Variants in TSGA10 observed in about 807,000 individuals in gnomAD.
The protein encoded by TSGA10 is testis-specific gene 10 protein.
TSGA10 carries 43 observed loss-of-function variants against 96.6 expected under a neutral mutation model. That is an observed-to-expected ratio of 0.44 (90% CI 0.35 to 0.57). TSGA10 has a LOEUF of 0.57. Ranked by LOEUF, TSGA10 falls within the 20% of genes least tolerant of loss-of-function variation. The probability of loss-of-function intolerance (pLI) is 0.01; values close to 1 mark genes in which losing one functional copy is unlikely to be tolerated. For synonymous variants in TSGA10, 229 were observed against 269.9 expected (o/e 0.85, Z 1.48); for missense variants, 703 against 834.4 (o/e 0.84, Z 1.94).
At chr2:99,136,908 T>C (rs2093351066) in intron 1 of TSGA10, among the ~76,000 whole-genome samples, 1 of 150,016 alleles carries the variant, frequency 6.7e-6, no homozygotes. Context: ...AAAAGAACTA[T>C]GAACATATCC....
intron 10 of TSGA10, among the ~76,000 whole-genome samples, chr2:99,098,438 C>CAAAAAAAAAAAAAAAAAAAAAA (rs59144676): frequency 9.7e-5 from 9 of 92,594 alleles, no homozygotes; most frequent in South Asian, 2.9e-4. Context: ...GACTCTGCCT[C>CAAAAAAAAAAAAAAAAAAAAAA]AAAAAAAAAA....
At chr2:99,146,403 C>T (rs1285905755) in intron 1 of TSGA10, among the ~76,000 whole-genome samples, 2 of 152,170 alleles carry the variant, frequency 1.3e-5, no homozygotes, top group African/African-American at 4.8e-5. Flanking sequence ...GCTTTGGACA[C>T]AGAAAATATC....
chr2:99,074,004 T>TC (rs2086318759), intron 12 of TSGA10, among the ~76,000 whole-genome samples: 3 of 100,126 alleles, frequency 3.0e-5, no homozygotes, highest in African/African-American at 5.4e-5. Context: ...TCTTTTCTTT[T>TC]TTTTTTTTTT....
intron 2 of TSGA10, among the ~76,000 whole-genome samples, chr2:99,122,704 T>C (rs1480840485): frequency 1.3e-5 from 2 of 151,296 alleles, no homozygotes; most frequent in Non-Finnish European, 2.9e-5. Flanking sequence ...GGTAGGAGGA[T>C]TGCTTGAGCC....
intron 1 of TSGA10, among the ~76,000 whole-genome samples, chr2:99,138,436 T>C (rs771675487): frequency 2.6e-5 from 4 of 152,244 alleles, no homozygotes; most frequent in Admixed American, 6.5e-5. Context: ...GTTTTATCCC[T>C]AATGCCTTAA....
chr2:99,051,721 A>G (rs1317400208), intron 16 of TSGA10, among the ~76,000 whole-genome samples: 1 of 152,250 alleles, frequency 6.6e-6, no homozygotes, highest in Middle Eastern at 3.4e-3. Context: ...AATAGACACT[A>G]CACTGGGCAA....
At chr2:99,088,293 G>A (rs2088822026) in intron 10 of TSGA10, among the ~76,000 whole-genome samples, 1 of 152,118 alleles carries the variant, frequency 6.6e-6, no homozygotes, top group Non-Finnish European at 1.5e-5. Context: ...ACAATATGTG[G>A]TTATAATTAG....
chr2:99,112,866 C>A (rs2104873242), intron 4 of TSGA10, among the ~76,000 whole-genome samples: 1 of 141,996 alleles, frequency 7.0e-6, no homozygotes, highest in East Asian at 2.4e-4. Context: ...CCACCCCACC[C>A]TTTGTTTGTG....
intron 12 of TSGA10, among the ~76,000 whole-genome samples, chr2:99,076,304 C>T (rs2086693096): frequency 6.6e-6 from 1 of 152,156 alleles, no homozygotes; most frequent in South Asian, 2.1e-4. Context: ...TAGCTCTCAA[C>T]ACTGTTTTCT....
chr2:99,062,365 A>G lies in TSGA10; in HGVS notation c.1404+2574T>C, dbSNP rs181744311. ...TTTATCTGATCACAATATTAGAAAC[A>G]TTAGACAATAAGATATTAGACACAA... On this transcript the variant is annotated intron_variant, in intron 16 of 20. Transcript: ENST00000393483. Among the ~76,000 whole-genome samples, 21 of 152,338 alleles carry G rather than the reference A, an allele frequency of 1.4e-4. No individual in the cohort carries two copies. In the East Asian group the frequency reaches 3.7e-3, roughly 27 times the overall value.
At chr2:99,067,324 C>G (rs2085371919) in intron 15 of TSGA10, among the ~76,000 whole-genome samples, 1 of 152,218 alleles carries the variant, frequency 6.6e-6, no homozygotes, top group South Asian at 2.1e-4. Flanking sequence ...TGCATCCATC[C>G]AGTGTTATGC....
At chr2:99,021,923 A>G (rs902988163) in intron 17 of TSGA10, among the ~76,000 whole-genome samples, 5 of 152,160 alleles carry the variant, frequency 3.3e-5, no homozygotes, top group African/African-American at 1.2e-4. Context: ...TTTTTTTGAC[A>G]ATAGCTTTTT....
intron 12 of TSGA10, among the ~76,000 whole-genome samples, chr2:99,073,368 AC>A (rs1326183125): frequency 6.6e-6 from 1 of 152,108 alleles, no homozygotes; most frequent in Non-Finnish European, 1.5e-5. Context: ...CAATACAAGA[AC>A]CCTATAACCA....
At chr2:99,150,800 A>G (rs2093685929) in intron 1 of TSGA10, 2 of 1,600,416 alleles carry the variant, frequency 1.2e-6, no homozygotes, top group Non-Finnish European at 1.7e-6. Context: ...TATGTCAAAG[A>G]AAGTGATGGA....
chr2:99,094,050 T>A (rs1309174119), intron 10 of TSGA10, among the ~76,000 whole-genome samples: 1 of 152,002 alleles, frequency 6.6e-6, no homozygotes, highest in African/African-American at 2.4e-5. Flanking sequence ...GATATAAAAA[T>A]AGGCACTTAG....
At chr2:99,103,938 GTTGGTTGT>G in intron 10 of TSGA10, 21 bp downstream of exon 10, 1 of 1,609,966 alleles carries the variant, frequency 6.2e-7, no homozygotes, top group Non-Finnish European at 8.5e-7. Flanking sequence ...ATAGTAAACT[GTTGGTTGT>G]TTAAAGGTGA....
At chr2:99,124,590 T>C (rs2092730670) in intron 2 of TSGA10, among the ~76,000 whole-genome samples, 1 of 152,084 alleles carries the variant, frequency 6.6e-6, no homozygotes, top group Non-Finnish European at 1.5e-5. Flanking sequence ...ACATTATATA[T>C]ATATATTTTT....
At chr2:99,059,078 T>TTATATATATATATATA (rs756097906) in intron 16 of TSGA10, among the ~76,000 whole-genome samples, 111 of 140,578 alleles carry the variant, frequency 7.9e-4, no homozygotes, top group African/African-American at 2.8e-3. Context: ...ATTTATATAT[T>TTATATATATATATATA]TTTATATATA....
At chr2:99,127,794 G>A (rs13428547) in intron 1 of TSGA10, among the ~76,000 whole-genome samples, 4,039 of 152,114 alleles carry the variant, frequency 0.027, 161 homozygotes, top group African/African-American at 0.08. Flanking sequence ...CGGTGGGAGA[G>A]TAAACTGATA....
Sources: gnomAD v4.1 joint callset for allele counts (sites outside exome capture counted in the v4.1 genomes callset) on GRCh38, gnomAD v4.1.1 for gene constraint, MANE v1.5 for transcripts, NCBI Gene and HGNC (gene_info 2026-07-23, HGNC 2026-07-21) for gene names.